The following MDFIC2 variants were observed in gnomAD, a reference collection of about 807,000 sequenced individuals.
MDFIC2 encodes the protein myoD family inhibitor domain-containing protein 2.
chr3:70,289,852 C>T (rs6763353), intron 2 of MDFIC2, among the ~76,000 whole-genome samples: 8,297 of 151,994 alleles, frequency 0.055, 590 homozygotes, highest in East Asian at 0.37. Context: ...TTGATTGCAT[C>T]GGCTCCTGAG....
At chr3:70,302,172 G>A (rs1702355546) in intron 2 of MDFIC2, among the ~76,000 whole-genome samples, 2 of 152,098 alleles carry the variant, frequency 1.3e-5, no homozygotes, top group Admixed American at 6.6e-5. Flanking sequence ...TTCTCGACAG[G>A]CTTAAATAAT....
chr3:70,215,860 AG>A (rs1325766160), intron 2 of MDFIC2, among the ~76,000 whole-genome samples: 3 of 152,188 alleles, frequency 2.0e-5, no homozygotes, highest in African/African-American at 7.2e-5. Flanking sequence ...TCCTTAGGGG[AG>A]GTTTTCTGAG....
At chr3:70,225,083 A>C (rs1361304411) in intron 2 of MDFIC2, among the ~76,000 whole-genome samples, 1 of 152,202 alleles carries the variant, frequency 6.6e-6, no homozygotes, top group Non-Finnish European at 1.5e-5. Context: ...GGAAAGTTAC[A>C]GAATAAATAT....
intron 2 of MDFIC2, among the ~76,000 whole-genome samples, chr3:70,238,327 G>A (rs2106639652): frequency 6.6e-6 from 1 of 152,154 alleles, no homozygotes; most frequent in South Asian, 2.1e-4. Flanking sequence ...TCTATCTGAG[G>A]CTGGGCATCG....
At chr3:70,207,307 T>C (rs1701300116) in intron 2 of MDFIC2, among the ~76,000 whole-genome samples, 2 of 152,258 alleles carry the variant, frequency 1.3e-5, no homozygotes, top group Admixed American at 6.5e-5. Flanking sequence ...TTCCTGCTTC[T>C]GTCCTCATAA....
chr3:70,227,507 G>A (rs1286248399), intron 2 of MDFIC2, among the ~76,000 whole-genome samples: 1 of 152,144 alleles, frequency 6.6e-6, no homozygotes, highest in Non-Finnish European at 1.5e-5. Context: ...GAACAATTTC[G>A]ATAGAGGGAC....
At chr3:70,254,622 C>T (rs1167290686) in intron 2 of MDFIC2, among the ~76,000 whole-genome samples, 5 of 152,118 alleles carry the variant, frequency 3.3e-5, no homozygotes. Flanking sequence ...AAACAATTTT[C>T]CACTATGAAA....
At chr3:70,237,740 A>G (rs557208915) in intron 2 of MDFIC2, among the ~76,000 whole-genome samples, 7 of 152,342 alleles carry the variant, frequency 4.6e-5, no homozygotes, top group Admixed American at 3.3e-4. Context: ...ACATACCTCA[A>G]TGGGCTTTGA....
At chr3:70,274,092 C>CGTGT (rs1260177672) in intron 2 of MDFIC2, among the ~76,000 whole-genome samples, 1 of 138,334 alleles carries the variant, frequency 7.2e-6, no homozygotes, top group Non-Finnish European at 1.6e-5. Context: ...TGTGTGTGTG[C>CGTGT]GCGCGCGCAT....
chr3:70,237,797 T>C (rs1253939331), intron 2 of MDFIC2, among the ~76,000 whole-genome samples: 1 of 152,132 alleles, frequency 6.6e-6, no homozygotes, highest in Non-Finnish European at 1.5e-5. Context: ...ATGGCAGCCA[T>C]ATTGTGGGCA....
chr3:70,285,271 T>C (rs1161442332), intron 2 of MDFIC2, among the ~76,000 whole-genome samples: 1 of 141,364 alleles, frequency 7.1e-6, no homozygotes, highest in East Asian at 2.2e-4. Flanking sequence ...TGTGTTCTCA[T>C]TGTTCAATTC....
At chr3:70,290,931 G>A (rs541944579) in intron 2 of MDFIC2, among the ~76,000 whole-genome samples, 19 of 152,092 alleles carry the variant, frequency 1.2e-4, no homozygotes, top group Non-Finnish European at 2.1e-4. Context: ...CGCACGGTGC[G>A]CGCACCCACT....
At chr3:70,294,531 A>G (rs1575618548) in intron 2 of MDFIC2, among the ~76,000 whole-genome samples, 1 of 152,138 alleles carries the variant, frequency 6.6e-6, no homozygotes, top group African/African-American at 2.4e-5. Context: ...TAAAATAATA[A>G]TAGTAGTCAT....
chr3:70,233,257 T>A (rs1436059574), intron 2 of MDFIC2, among the ~76,000 whole-genome samples: 1 of 152,152 alleles, frequency 6.6e-6, no homozygotes, highest in Non-Finnish European at 1.5e-5. Flanking sequence ...CTGCAAAAGA[T>A]AAAAGCTGAA....
Position 70,196,391 on chromosome 3 carries a change from A to G in MDFIC2, c.*535T>C, listed in dbSNP as rs910260980. Among the ~76,000 whole-genome samples the G allele has an allele frequency of 2.6e-5, 4 of 152,182 alleles. No homozygotes were observed. The highest frequency in any genetic ancestry group is 6.5e-5 in the Admixed American group (1 of 15,278). On this transcript the variant is annotated 3_prime_UTR_variant, in exon 4 of 4. Transcript: ENST00000567252. Reference sequence around the variant, plus strand: ...TTCATTTAATTCCCTTTCCTACCTAAACTGTACATATAAGTGAATTTTAAG... The same window carrying G: ...TTCATTTAATTCCCTTTCCTACCTAGACTGTACATATAAGTGAATTTTAAG...
At chr3:70,304,592 C>T (rs921756283) in intron 2 of MDFIC2, among the ~76,000 whole-genome samples, 4 of 152,144 alleles carry the variant, frequency 2.6e-5, no homozygotes, top group Non-Finnish European at 5.9e-5. Flanking sequence ...CACTAAGGCA[C>T]AAGCCAGTCC....
chr3:70,271,875 C>G (rs370119037), intron 2 of MDFIC2: 18 of 152,224 alleles, frequency 1.2e-4, no homozygotes, highest in African/African-American at 4.3e-4. Flanking sequence ...GCGATTCTCT[C>G]GCCTCAGCCT....
At chr3:70,310,026 C>T (rs1186454325) in intron 2 of MDFIC2, among the ~76,000 whole-genome samples, 2 of 152,042 alleles carry the variant, frequency 1.3e-5, no homozygotes, top group Admixed American at 1.3e-4. Flanking sequence ...ATGAACTTCA[C>T]CATAAGTGGT....
At chr3:70,231,659 G>GGA (rs937816255) in intron 2 of MDFIC2, among the ~76,000 whole-genome samples, 15 of 152,114 alleles carry the variant, frequency 9.9e-5, no homozygotes, top group African/African-American at 2.4e-4. Context: ...AACACGCTAA[G>GGA]GAGAGAGAGA....
Sources: allele counts gnomAD v4.1 joint callset (sites outside exome capture counted in the v4.1 genomes callset), GRCh38; gene constraint gnomAD v4.1.1; transcripts MANE v1.5; gene names NCBI Gene and HGNC (gene_info 2026-07-23, HGNC 2026-07-21).